The following WWOX variants were observed in gnomAD, a reference collection of about 807,000 sequenced individuals.
WWOX encodes the protein WW domain-containing oxidoreductase.
WWOX carries 69 observed loss-of-function variants against 46.2 expected under a neutral mutation model. The ratio of observed to expected loss-of-function variants is 1.49; its 90% CI spans 1.23 to 1.82. WWOX has a LOEUF of 1.82. Ranked by LOEUF, WWOX falls within the 40% of genes most tolerant of loss-of-function variation. The pLI, the probability that WWOX is intolerant of heterozygous loss-of-function variation, is 0.00. For synonymous variants in WWOX, 359 were observed against 202.6 expected, an observed-to-expected ratio of 1.77 and a Z score of -6.56; for missense variants, 919 against 542.6, an observed-to-expected ratio of 1.69 and a Z score of -6.89.
chr16:79,070,475 C>T (rs928127734), intron 8 of WWOX, among the ~76,000 whole-genome samples: 7 of 152,102 alleles, frequency 4.6e-5, no homozygotes, highest in Admixed American at 3.3e-4. Context: ...TACTCACCAC[C>T]GATGGAAAAT....
chr16:78,362,886 G>T (rs1257942106), intron 5 of WWOX, among the ~76,000 whole-genome samples: 8 of 152,196 alleles, frequency 5.3e-5, no homozygotes, highest in Admixed American at 5.2e-4. Flanking sequence ...GTTGCTAAAT[G>T]CGTAAAGGAG....
intron 8 of WWOX, among the ~76,000 whole-genome samples, chr16:79,046,380 C>A (rs1436251088): frequency 6.6e-6 from 1 of 152,154 alleles, no homozygotes; most frequent in Non-Finnish European, 1.5e-5. Context: ...TTGTCTTTAT[C>A]AGTTCAGGCT....
intron 8 of WWOX, among the ~76,000 whole-genome samples, chr16:78,989,756 A>C (rs552994563): frequency 2.0e-5 from 3 of 151,320 alleles, no homozygotes; most frequent in Non-Finnish European, 4.4e-5. Flanking sequence ...TGAGATGCTG[A>C]GAGTAATGGG....
chr16:79,053,895 C>T (rs1348370696), intron 8 of WWOX, among the ~76,000 whole-genome samples: 3 of 152,012 alleles, frequency 2.0e-5, no homozygotes, highest in Admixed American at 6.6e-5. Context: ...TTTATAGTAC[C>T]CCAGCCATAG....
At chr16:78,699,190 G>A (rs1484916171) in intron 8 of WWOX, among the ~76,000 whole-genome samples, 1 of 152,144 alleles carries the variant, frequency 6.6e-6, no homozygotes, top group Non-Finnish European at 1.5e-5. Context: ...TGGCCCATCA[G>A]CCATAGTTTC....
Position 78,996,381 on chromosome 16 carries a change from C to CCA in WWOX, c.1057-215227_1057-215226insCA. The CCA allele has an allele frequency of 2.7e-5, 19 of 700,624 alleles. 1 individual carries two copies. The highest frequency in any genetic ancestry group is 7.5e-5 in the South Asian group (1 of 13,318). The allele number at this position is 700,624 out of a possible 1,614,324, so 43.4% of individuals were successfully genotyped here. On this transcript the variant is annotated intron_variant, in intron 8 of 8. Coordinates refer to ENST00000566780, the MANE Select transcript of WWOX (RefSeq NM_016373.4). ...TGTGAGTGAATTCTGCACCCACCCC[C>CCA]GCCCCCCAGCTTCCCCACCTGTAAA...
intron 8 of WWOX, among the ~76,000 whole-genome samples, chr16:78,658,333 T>C (rs2047127755): frequency 6.6e-6 from 1 of 152,222 alleles, no homozygotes; most frequent in Non-Finnish European, 1.5e-5. Flanking sequence ...ACTTTACTAA[T>C]GGTCATTATG....
At chr16:79,136,794 C>G (rs984461292) in intron 8 of WWOX, among the ~76,000 whole-genome samples, 7 of 152,330 alleles carry the variant, frequency 4.6e-5, no homozygotes, top group African/African-American at 1.7e-4. Flanking sequence ...TCAATAGGCA[C>G]ATGCCATGTA....
chr16:78,995,574 A>AG (rs1220863085), intron 8 of WWOX, among the ~76,000 whole-genome samples: 1 of 152,008 alleles, frequency 6.6e-6, no homozygotes, highest in African/African-American at 2.4e-5. Context: ...TAAAAAAAAA[A>AG]GAAAAAGAAA....
chr16:78,746,761 C>T (rs1018017822), intron 8 of WWOX, among the ~76,000 whole-genome samples: 1 of 152,016 alleles, frequency 6.6e-6, no homozygotes, highest in Non-Finnish European at 1.5e-5. Flanking sequence ...CTGACTTATA[C>T]CCTGGAGCCA....
At chr16:78,926,209 C>G (rs149172691) in intron 8 of WWOX, among the ~76,000 whole-genome samples, 6 of 152,042 alleles carry the variant, frequency 3.9e-5, no homozygotes, top group African/African-American at 1.4e-4. Flanking sequence ...CCTTACCTCT[C>G]AAAAATTTAC....
chr16:78,877,869 C>T (rs2044265436), intron 8 of WWOX, among the ~76,000 whole-genome samples: 1 of 152,166 alleles, frequency 6.6e-6, no homozygotes, highest in Non-Finnish European at 1.5e-5. Flanking sequence ...TATAGCTAAG[C>T]CCAGCAGCCC....
rs74027912 is a variant in WWOX at position 78,182,311 on chromosome 16, A to C, written c.516+18022A>C. Among the ~76,000 whole-genome samples the C allele has an allele frequency of 9.0e-3, 1,368 of 152,194 alleles. 22 individuals carry two copies. The highest frequency in any genetic ancestry group is 0.031 in the African/African-American group (1,296 of 41,522). ...TCCAAGTGCTGGCAAAGAAAAGAAA[A>C]GAAATGCTTGGGGCTCTGCCTACCT... On this transcript the variant is annotated intron_variant, in intron 5 of 8. Transcript: ENST00000566780.
chr16:78,667,880 C>A (rs1597418141), intron 8 of WWOX, among the ~76,000 whole-genome samples: 1 of 152,092 alleles, frequency 6.6e-6, no homozygotes. Flanking sequence ...TCCCATACCT[C>A]TGTGTGTGTT....
At chr16:79,210,916 C>T (rs1216242146) in intron 8 of WWOX, among the ~76,000 whole-genome samples, 3 of 152,176 alleles carry the variant, frequency 2.0e-5, no homozygotes, top group Admixed American at 1.3e-4. Flanking sequence ...AATGTACCCC[C>T]TTACCTGTGG....
chr16:78,639,712 C>T (rs548785116), intron 8 of WWOX, among the ~76,000 whole-genome samples: 4 of 152,106 alleles, frequency 2.6e-5, no homozygotes, highest in South Asian at 2.1e-4. Flanking sequence ...TACAGGTGCC[C>T]GCCACCACGC....
chr16:78,358,868 T>TTC (rs1253896811), intron 5 of WWOX, among the ~76,000 whole-genome samples: 1 of 120,180 alleles, frequency 8.3e-6, no homozygotes, highest in Non-Finnish European at 2.0e-5. Context: ...ACTGTGGTCT[T>TTC]TTTTTTTTTT....
intron 8 of WWOX, among the ~76,000 whole-genome samples, chr16:79,160,884 CACA>C (rs2050473459): frequency 6.6e-6 from 1 of 151,336 alleles, no homozygotes; most frequent in Non-Finnish European, 1.5e-5. Flanking sequence ...TGTGTACATA[CACA>C]TATACATATA....
At chr16:78,965,474 G>A (rs2046347511) in intron 8 of WWOX, among the ~76,000 whole-genome samples, 1 of 151,858 alleles carries the variant, frequency 6.6e-6, no homozygotes, top group African/African-American at 2.4e-5. Flanking sequence ...GGAGGCTGAG[G>A]CAGGAGAATC....
Sources: gnomAD v4.1 joint callset for allele counts (sites outside exome capture counted in the v4.1 genomes callset) on GRCh38, gnomAD v4.1.1 for gene constraint, MANE v1.5 for transcripts, NCBI Gene and HGNC (gene_info 2026-07-23, HGNC 2026-07-21) for gene names.